The following AEBP2 variants were observed in gnomAD, a reference collection of about 807,000 sequenced individuals.
AEBP2 encodes AE binding protein 2.
A neutral mutation model predicts 50.8 loss-of-function variants in AEBP2; 10 were observed. That is an observed-to-expected ratio of 0.20 (90% CI 0.12 to 0.33). The LOEUF is 0.33. Among genes scored for constraint, AEBP2 ranks in the 10% least tolerant of loss-of-function variants. The pLI, the probability that AEBP2 is intolerant of heterozygous loss-of-function variation, is 1.00. For synonymous variants in AEBP2, 296 were observed against 261.3 expected (o/e 1.13, Z -1.28); for missense variants, 570 against 688.0 (o/e 0.83, Z 1.92).
intron 3 of AEBP2, among the ~76,000 whole-genome samples, chr12:19,477,468 G>T (rs1948665775): frequency 6.6e-6 from 1 of 152,076 alleles, no homozygotes; most frequent in African/African-American, 2.4e-5. Flanking sequence ...TGTTACTTCT[G>T]TGCCAGTTTT....
chr12:19,521,280 C>G lies in AEBP2; in HGVS notation c.*3163C>G, dbSNP rs953248575. On this transcript the variant is annotated 3_prime_UTR_variant, in exon 8 of 8. Coordinates refer to ENST00000266508, the MANE Select transcript of AEBP2 (RefSeq NM_153207.5). ...CCAGTACATTAAATTTTAGTGAAAG[C>G]TGTTTCATGTATTTTACAGTAAATA... The G allele has an allele frequency of 6.6e-6, 1 of 152,136 alleles. No individual in the cohort carries two copies. Among genetic ancestry groups the G allele is most frequent in the Non-Finnish European group, 1.5e-5 (1 of 68,000 alleles). The allele number at this position is 152,136 out of a possible 1,614,324, so 9.4% of individuals were successfully genotyped here.
At chr12:19,489,858 A>C (rs1948868873) in intron 3 of AEBP2, among the ~76,000 whole-genome samples, 2 of 149,740 alleles carry the variant, frequency 1.3e-5, no homozygotes, top group South Asian at 4.3e-4. Context: ...TTTAGTTCTA[A>C]ATTTTACTTC....
chr12:19,486,086 A>T (rs1022232357), intron 3 of AEBP2, among the ~76,000 whole-genome samples: 1 of 151,742 alleles, frequency 6.6e-6, no homozygotes, highest in Admixed American at 6.6e-5. Context: ...CCTGATAGAG[A>T]ATATTTCAGT....
chr12:19,435,771 C>T (rs1044834946), upstream of AEBP2, among the ~76,000 whole-genome samples: 2 of 152,106 alleles, frequency 1.3e-5, no homozygotes, highest in South Asian at 2.1e-4. Flanking sequence ...TACACTTTGT[C>T]GAAATCCTAC....
intron 1 of AEBP2, among the ~76,000 whole-genome samples, chr12:19,425,882 TC>T (rs1432215623): frequency 1.3e-5 from 2 of 152,074 alleles, no homozygotes; most frequent in Non-Finnish European, 2.9e-5. Flanking sequence ...AATTTTGTTA[TC>T]TGATATCTTA....
intron 1 of AEBP2, among the ~76,000 whole-genome samples, chr12:19,415,351 ATATATAT>A (rs148604178): frequency 5.0e-5 from 1 of 20,162 alleles, no homozygotes; most frequent in Non-Finnish European, 9.4e-5. Flanking sequence ...AAAAAAAAAA[ATATATAT>A]ATATATATAT....
At chr12:19,489,847 C>G (rs1948868744) in intron 3 of AEBP2, among the ~76,000 whole-genome samples, 1 of 147,560 alleles carries the variant, frequency 6.8e-6, no homozygotes, top group Non-Finnish European at 1.5e-5. Context: ...TGTAAGCACT[C>G]TTTAGTTCTA....
At chr12:19,512,499 G>A (rs1430482382) in intron 6 of AEBP2, 34 bp downstream of exon 6, 1 of 1,289,874 alleles carries the variant, frequency 7.8e-7, no homozygotes, top group Non-Finnish European at 1.1e-6. Flanking sequence ...TTAGTAATAA[G>A]TTCATGTTTT....
Position 19,439,714 on chromosome 12 carries a change from C to CACCGACATG in AEBP2, c.16_24dup (p.Thr6_Met8dup). 1.3e-6 allele frequency: 2 copies of CACCGACATG among 1,516,044 alleles called. No individual in the cohort carries two copies. The highest frequency in any genetic ancestry group is 1.8e-6 in the Non-Finnish European group (2 of 1,138,694). 93.9% of individuals were successfully genotyped at this position (1,516,044 alleles called of 1,614,324 possible). A position where few individuals can be genotyped will look rare whatever the true frequency, so the allele number is the denominator to read the frequency against. On this transcript the variant is annotated inframe_insertion, in exon 1 of 8. Transcript: ENST00000266508. ...CAGGCGCCGCCATGGCCGCCGCTAT[C>CACCGACATG]ACCGACATGGCCGACCTGGAGGAGC...
chr12:19,409,946 C>T (rs1784131746), intron 1 of AEBP2, among the ~76,000 whole-genome samples: 1 of 152,108 alleles, frequency 6.6e-6, no homozygotes, highest in Non-Finnish European at 1.5e-5. Flanking sequence ...CTGATTTAAC[C>T]TTCCAAAAGC....
intron 2 of AEBP2, among the ~76,000 whole-genome samples, chr12:19,465,912 A>G (rs1315968757): frequency 6.7e-6 from 1 of 150,066 alleles, no homozygotes; most frequent in Non-Finnish European, 1.5e-5. Context: ...CTGCCTCAGC[A>G]TCTTGAGTAG....
At chr12:19,491,548 T>C (rs1400982531) in intron 3 of AEBP2, among the ~76,000 whole-genome samples, 1 of 152,178 alleles carries the variant, frequency 6.6e-6, no homozygotes, top group African/African-American at 2.4e-5. Flanking sequence ...GATAAGTATT[T>C]GAACTAAAGT....
intron 1 of AEBP2, among the ~76,000 whole-genome samples, chr12:19,444,568 A>G (rs1948024647): frequency 3.3e-5 from 5 of 152,150 alleles, no homozygotes; most frequent in Admixed American, 3.3e-4. Context: ...CGCAAATCTT[A>G]ATATTACTGC....
intron 1 of AEBP2, among the ~76,000 whole-genome samples, chr12:19,460,387 G>A (rs1864100517): frequency 1.3e-5 from 2 of 152,086 alleles, no homozygotes; most frequent in African/African-American, 4.8e-5. Context: ...TGTCGCCCAG[G>A]CTCGAGTGCA....
chr12:19,477,188 G>T (rs1399194655), intron 3 of AEBP2, among the ~76,000 whole-genome samples: 1 of 152,122 alleles, frequency 6.6e-6, no homozygotes, highest in African/African-American at 2.4e-5. Context: ...GAATTTATCA[G>T]ATTACAAGCT....
intron 2 of AEBP2, chr12:19,466,798 C>A (rs1196019939): frequency 1.2e-5 from 12 of 984,642 alleles, no homozygotes; most frequent in Non-Finnish European, 1.4e-5. Context: ...AATTGGTAAC[C>A]CTAGAAGATT....
intron 1 of AEBP2, among the ~76,000 whole-genome samples, chr12:19,412,408 G>C (rs1218388891): frequency 6.6e-6 from 1 of 151,876 alleles, no homozygotes; most frequent in African/African-American, 2.4e-5. Flanking sequence ...CTCCCGAGTA[G>C]CTGGGACTAT....
At position 19,439,551 on chromosome 12, in the gene AEBP2, G is replaced by C; in HGVS notation, c.-149G>C. On this transcript the variant is annotated 5_prime_UTR_variant, in exon 1 of 8. Coordinates refer to ENST00000266508, the MANE Select transcript of AEBP2 (RefSeq NM_153207.5). ...TCCCCGCGCGGGCTCCGTAGCGCGT[G>C]TGCAGGCTGACGCAGCTCGCGGGCC... The C allele has an allele frequency of 9.4e-7, 1 of 1,058,776 alleles. No individual in the cohort carries two copies. Among genetic ancestry groups the C allele is most frequent in the Non-Finnish European group, 1.3e-6 (1 of 770,332 alleles). 65.6% of individuals were successfully genotyped at this position (1,058,776 alleles called of 1,614,324 possible).
intron 3 of AEBP2, among the ~76,000 whole-genome samples, chr12:19,481,225 C>A (rs1044425399): frequency 2.0e-5 from 3 of 150,856 alleles, no homozygotes; most frequent in Non-Finnish European, 4.4e-5. Context: ...CTCATCCTCC[C>A]GAGTAACTGG....
Sources: gnomAD v4.1 joint callset for allele counts (sites outside exome capture counted in the v4.1 genomes callset) on GRCh38, gnomAD v4.1.1 for gene constraint, MANE v1.5 for transcripts, NCBI Gene and HGNC (gene_info 2026-07-23, HGNC 2026-07-21) for gene names.